PEX5L: variants seen among roughly 807,000 people sequenced by gnomAD.
PEX5L encodes PEX5-related protein.
PEX5L carries 30 observed loss-of-function variants against 84.0 expected under a neutral mutation model. The ratio of observed to expected loss-of-function variants is 0.36; its 90% CI spans 0.27 to 0.48. The LOEUF (loss-of-function observed/expected upper bound fraction) is 0.48. Ranked by LOEUF, PEX5L falls within the 20% of genes least tolerant of loss-of-function variation. The pLI is 0.99. For synonymous variants in PEX5L, 270 were observed against 283.1 expected, an observed-to-expected ratio of 0.95 and a Z score of 0.46; for missense variants, 533 against 754.6, an observed-to-expected ratio of 0.71 and a Z score of 3.44.
rs772308105 is a variant in PEX5L, at chr3:179,819,940, A to T, written c.859T>A (p.Trp287Arg). 3.7e-6 allele frequency: 6 copies of T among 1,613,406 alleles called. No homozygotes were observed. Residue 287 changes from tryptophan to arginine, a missense_variant, in exon 9 of 15, where the codon TGG becomes AGG. Coordinates refer to ENST00000467460, the MANE Select transcript of PEX5L (RefSeq NM_016559.3). The part of the protein sequence containing the change: ...TEFWDKMQAE[W>R]EEMARRNWIS... Reference sequence around the variant, plus strand: ...CAGTTCCTCCGAGCCATTTCTTCCCATTCTGCTTGCATCTTATCCCAAAAC... The same window carrying T: ...CAGTTCCTCCGAGCCATTTCTTCCCTTTCTGCTTGCATCTTATCCCAAAAC...
intron 2 of PEX5L, among the ~76,000 whole-genome samples, chr3:179,907,255 T>C (rs1024493656): frequency 6.6e-6 from 1 of 152,098 alleles, no homozygotes; most frequent in African/African-American, 2.4e-5. Flanking sequence ...TCCTACTAAA[T>C]TGGAGGCCAT....
intron 1 of PEX5L, among the ~76,000 whole-genome samples, chr3:180,028,739 C>T (rs1791184926): frequency 6.6e-6 from 1 of 152,166 alleles, no homozygotes; most frequent in Non-Finnish European, 1.5e-5. Context: ...AAAACTTTTT[C>T]AAAGGTTCTT....
intron 2 of PEX5L, among the ~76,000 whole-genome samples, chr3:179,953,233 A>G (rs532687575): frequency 1.1e-4 from 16 of 152,204 alleles, no homozygotes; most frequent in Non-Finnish European, 1.6e-4. Flanking sequence ...AATGGCAACA[A>G]AAGCCACAAT....
intron 1 of PEX5L, among the ~76,000 whole-genome samples, chr3:179,976,476 C>T (rs761695545): frequency 1.3e-5 from 2 of 151,902 alleles, no homozygotes; most frequent in South Asian, 2.1e-4. Flanking sequence ...CTCGCTCTGT[C>T]GCCCAGGCTG....
intron 8 of PEX5L, among the ~76,000 whole-genome samples, chr3:179,843,083 A>C (rs947915948): frequency 7.9e-5 from 12 of 152,154 alleles, no homozygotes; most frequent in African/African-American, 2.7e-4. Context: ...ACTGCAAGAC[A>C]TCGAAATAGG....
At chr3:179,968,906 A>G (rs1486330868) in intron 2 of PEX5L, among the ~76,000 whole-genome samples, 1 of 152,084 alleles carries the variant, frequency 6.6e-6, no homozygotes, top group Non-Finnish European at 1.5e-5. Flanking sequence ...TCCGAAATAC[A>G]CTTTTTTTTC....
At position 179,982,907 on chromosome 3, in the gene PEX5L, A is replaced by G. The variant is rs572907399; in HGVS notation, c.22-11242T>C. Among the ~76,000 whole-genome samples the G allele has an allele frequency of 3.3e-5, 5 of 152,224 alleles. No homozygotes were observed. The South Asian group carries it at 6.2e-4, about 19-fold the overall frequency. ...GAGAAAAGCCTTTTTAAATGATCAA[A>G]GTATCATTTTTCTTTTAAAAAAAAC... On this transcript the variant is annotated intron_variant, in intron 1 of 14. Transcript: ENST00000467460.
intron 2 of PEX5L, among the ~76,000 whole-genome samples, chr3:179,915,478 C>A (rs554138930): frequency 6.6e-6 from 1 of 152,292 alleles, no homozygotes; most frequent in Admixed American, 6.5e-5. Flanking sequence ...GAAACCAACA[C>A]AAATTACCTT....
At chr3:179,957,740 G>T (rs1425835451) in intron 2 of PEX5L, among the ~76,000 whole-genome samples, 3 of 152,160 alleles carry the variant, frequency 2.0e-5, no homozygotes, top group African/African-American at 7.2e-5. Context: ...TAATTCTAAT[G>T]CAAAGTAAGG....
chr3:179,797,494 G>A lies in PEX5L; in HGVS notation c.*4334C>T, dbSNP rs924281578. ...GAGTAGGCAAATTTGCAATACTAAT[G>A]CATGCAATATTTTTGTACCTGAGGT... On this transcript the variant is annotated 3_prime_UTR_variant, in exon 15 of 15. Transcript: ENST00000467460. The A allele has an allele frequency of 6.6e-6, 1 of 150,398 alleles. No individual in the cohort carries two copies. Among genetic ancestry groups the A allele is most frequent in the Non-Finnish European group, 1.5e-5 (1 of 67,824 alleles). 9.3% of individuals were successfully genotyped at this position (150,398 alleles called of 1,614,324 possible).
chr3:179,806,578 G>T (rs1721385241), intron 14 of PEX5L, among the ~76,000 whole-genome samples: 1 of 152,184 alleles, frequency 6.6e-6, no homozygotes, highest in East Asian at 1.9e-4. Context: ...TCATTCTTTA[G>T]ATGTCAAAAG....
chr3:179,945,374 C>T (rs1022472456), intron 2 of PEX5L, among the ~76,000 whole-genome samples: 1 of 152,224 alleles, frequency 6.6e-6, no homozygotes, highest in Non-Finnish European at 1.5e-5. Context: ...ACAGACTTTA[C>T]TTCCTGGCTG....
intron 8 of PEX5L, among the ~76,000 whole-genome samples, chr3:179,856,352 G>T (rs1252540500): frequency 6.6e-6 from 1 of 150,698 alleles, no homozygotes; most frequent in African/African-American, 2.5e-5. Flanking sequence ...ATTTTTAATA[G>T]TTACATAGTA....
intron 8 of PEX5L, among the ~76,000 whole-genome samples, chr3:179,821,392 C>T (rs1014948740): frequency 5.9e-5 from 9 of 152,200 alleles, no homozygotes; most frequent in African/African-American, 1.9e-4. Context: ...TTAACCTTCA[C>T]CTTTTAATCT....
chr3:180,002,311 T>C (rs1788497868), intron 1 of PEX5L, among the ~76,000 whole-genome samples: 1 of 152,166 alleles, frequency 6.6e-6, no homozygotes, highest in Non-Finnish European at 1.5e-5. Context: ...TTTTACGATG[T>C]TGCCAGGTTA....
At chr3:179,976,256 A>T (rs1303667727) in intron 1 of PEX5L, among the ~76,000 whole-genome samples, 2 of 152,234 alleles carry the variant, frequency 1.3e-5, no homozygotes, top group Non-Finnish European at 2.9e-5. Flanking sequence ...GAGAGGTTAC[A>T]TAAGGATATG....
At chr3:179,973,063 T>TC in intron 1 of PEX5L, 1 of 629,876 alleles carries the variant, frequency 1.6e-6, no homozygotes, top group Non-Finnish European at 2.2e-6. Context: ...GCTTTTGTAT[T>TC]CTTTTTGTTC....
intron 2 of PEX5L, chr3:179,900,754 C>T: frequency 1.3e-6 from 2 of 1,527,594 alleles, no homozygotes; most frequent in Non-Finnish European, 1.8e-6. Flanking sequence ...AGTCATGACA[C>T]ACCCATGTTA....
intron 8 of PEX5L, among the ~76,000 whole-genome samples, chr3:179,824,386 A>G (rs1360291267): frequency 6.6e-6 from 1 of 152,166 alleles, no homozygotes; most frequent in Non-Finnish European, 1.5e-5. Flanking sequence ...AACCAAACCA[A>G]TCCAAACAGC....
Sources: allele counts gnomAD v4.1 joint callset (sites outside exome capture counted in the v4.1 genomes callset), GRCh38; gene constraint gnomAD v4.1.1; transcripts MANE v1.5; gene names NCBI Gene and HGNC (gene_info 2026-07-23, HGNC 2026-07-21).